Variants in COBLL1 observed in about 807,000 individuals in gnomAD.
COBLL1 encodes the protein cordon-bleu WH2 repeat protein like 1, also known as cordon-bleu protein-like 1.
COBLL1 carries 50 observed loss-of-function variants against 94.8 expected under a neutral mutation model. That is an observed-to-expected ratio of 0.53 (90% confidence interval 0.42 to 0.67). The LOEUF is 0.67. Among genes scored for constraint, COBLL1 ranks in the 30% least tolerant of loss-of-function variants. COBLL1 has a pLI of 0.00. For synonymous variants in COBLL1, 448 were observed against 473.8 expected (o/e 0.95, Z 0.71); for missense variants, 1,362 against 1,348.7 (o/e 1.01, Z -0.15).
intron 2 of COBLL1, among the ~76,000 whole-genome samples, chr2:164,833,371 T>A (rs1574672419): frequency 6.6e-6 from 1 of 151,672 alleles, no homozygotes; most frequent in East Asian, 1.9e-4. Context: ...AATAAATAAA[T>A]AGCTACAAGC....
chr2:164,688,793 C>G (rs1655388984), intron 13 of COBLL1, among the ~76,000 whole-genome samples: 2 of 152,090 alleles, frequency 1.3e-5, no homozygotes, highest in African/African-American at 4.8e-5. Flanking sequence ...TTTTTTCCTT[C>G]CCTCCACCTT....
chr2:164,762,478 G>C (rs1448044555), intron 2 of COBLL1, among the ~76,000 whole-genome samples: 1 of 152,170 alleles, frequency 6.6e-6, no homozygotes, highest in African/African-American at 2.4e-5. Context: ...TGGATTACAA[G>C]ACAGTATACT....
chr2:164,839,409 T>G (rs1298939385), intron 2 of COBLL1, among the ~76,000 whole-genome samples: 1 of 152,148 alleles, frequency 6.6e-6, no homozygotes. Context: ...CTAGGCAACA[T>G]AGCAAGACCT....
At chr2:164,793,142 C>T (rs901446367) in intron 2 of COBLL1, among the ~76,000 whole-genome samples, 27 of 152,112 alleles carry the variant, frequency 1.8e-4, no homozygotes, top group Non-Finnish European at 3.7e-4. Context: ...ATGGGCCAGA[C>T]CCCCCAGTAT....
chr2:164,739,783 C>A (rs192387751), intron 3 of COBLL1, among the ~76,000 whole-genome samples: 7 of 152,228 alleles, frequency 4.6e-5, no homozygotes, highest in African/African-American at 1.7e-4. Flanking sequence ...TTATTTTTGT[C>A]ATTATGAGTC....
At chr2:164,811,896 G>T (rs1261303304) in intron 2 of COBLL1, among the ~76,000 whole-genome samples, 2 of 151,886 alleles carry the variant, frequency 1.3e-5, no homozygotes, top group Non-Finnish European at 2.9e-5. Context: ...ATCCTCTGTG[G>T]TAGCATTTTT....
intron 2 of COBLL1, among the ~76,000 whole-genome samples, chr2:164,807,074 T>C (rs1442783754): frequency 6.6e-6 from 1 of 152,126 alleles, no homozygotes; most frequent in Non-Finnish European, 1.5e-5. Flanking sequence ...TATATCTAAC[T>C]CTGGAAAGCC....
chr2:164,760,324 G>A (rs147231981), intron 2 of COBLL1, among the ~76,000 whole-genome samples: 190 of 152,280 alleles, frequency 1.2e-3, no homozygotes, highest in Non-Finnish European at 2.3e-3. Flanking sequence ...TTCTGCTTAC[G>A]TAAGAGTCTC....
chr2:164,762,539 G>A (rs355836), intron 2 of COBLL1, among the ~76,000 whole-genome samples: 35,982 of 151,984 alleles, frequency 0.24, 5,040 homozygotes, highest in African/African-American at 0.39. Flanking sequence ...CAGCTGTCTC[G>A]TTTAATCAAT....
chr2:164,781,229 TA>T (rs1459626464), intron 2 of COBLL1, among the ~76,000 whole-genome samples: 1 of 152,236 alleles, frequency 6.6e-6, no homozygotes, highest in Non-Finnish European at 1.5e-5. Flanking sequence ...CTTTCTTTTT[TA>T]ACCCAAAACC....
chr2:164,695,470 T>C lies in COBLL1; in HGVS notation c.1922A>G (p.Gln641Arg). 4 of 1,613,850 alleles carry C rather than the reference T, an allele frequency of 2.5e-6. No homozygotes were observed. Among genetic ancestry groups the C allele is most frequent in the Non-Finnish European group, 3.4e-6 (4 of 1,179,832 alleles). Reference protein sequence around the residue: ...VQTSNNNISTQHSCLSSQDSV... With the variant: ...VQTSNNNISTRHSCLSSQDSV... ...ATCTTGTGAACTTAAGCATGAGTGT[T>C]GAGTTGATATGTTGTTATTTGAAGT... is the stretch of plus-strand genomic sequence containing the variant. The change falls in exon 12 of 14, where the codon CAA (glutamine) becomes CGA (arginine). Residue 641 changes from glutamine (Q) to arginine (R), a missense_variant. Physicochemically the swap from Gln to Arg is conservative, Grantham distance 43 (BLOSUM62 1). Coordinates refer to ENST00000652658, the MANE Select transcript of COBLL1 (RefSeq NM_001365672.2).
chr2:164,689,666 C>T (rs181803315), intron 13 of COBLL1, among the ~76,000 whole-genome samples: 117 of 152,230 alleles, frequency 7.7e-4, no homozygotes, highest in Non-Finnish European at 1.3e-3. Context: ...AATACCTCCA[C>T]GTTCCCTATT....
chr2:164,793,118 C>CG (rs1683273119), intron 2 of COBLL1, among the ~76,000 whole-genome samples: 5 of 152,158 alleles, frequency 3.3e-5, no homozygotes, highest in Admixed American at 3.3e-4. Flanking sequence ...AAGGCAGAAA[C>CG]TTAAATTCAT....
At chr2:164,699,765 A>T (rs761727640) in intron 10 of COBLL1, among the ~76,000 whole-genome samples, 1 of 152,094 alleles carries the variant, frequency 6.6e-6, no homozygotes, top group Non-Finnish European at 1.5e-5. Flanking sequence ...ACACTTTTCC[A>T]AAATAGTGGC....
intron 2 of COBLL1, among the ~76,000 whole-genome samples, chr2:164,770,168 A>G (rs1688137157): frequency 6.6e-6 from 1 of 152,106 alleles, no homozygotes. Context: ...TAGGTTTAAA[A>G]CCCAGAGAAG....
chr2:164,728,468 A>G (rs1340310056), intron 4 of COBLL1, among the ~76,000 whole-genome samples: 1 of 152,050 alleles, frequency 6.6e-6, no homozygotes, highest in Non-Finnish European at 1.5e-5. Context: ...CTAGCCTCAT[A>G]TCTAGTACTA....
intron 2 of COBLL1, among the ~76,000 whole-genome samples, chr2:164,780,174 A>C (rs913286124): frequency 1.3e-5 from 2 of 152,056 alleles, no homozygotes; most frequent in Non-Finnish European, 2.9e-5. Flanking sequence ...ACTTATCCTC[A>C]TTCTCCTAGA....
chr2:164,695,916 T>TATTTCAGGTTGGA, intron 11 of COBLL1, 80 bp from the exon 12 acceptor site: 1 of 1,113,658 alleles, frequency 9.0e-7, no homozygotes, highest in Non-Finnish European at 1.3e-6. Context: ...TTCTCCAACC[T>TATTTCAGGTTGGA]GAAATAGTTT....
intron 2 of COBLL1, among the ~76,000 whole-genome samples, chr2:164,815,525 C>G (rs1465355553): frequency 6.6e-6 from 1 of 152,092 alleles, no homozygotes; most frequent in East Asian, 1.9e-4. Context: ...GACTCCATCT[C>G]TTACTTAATC....
Sources: allele counts gnomAD v4.1 joint callset (sites outside exome capture counted in the v4.1 genomes callset), GRCh38; gene constraint gnomAD v4.1.1; transcripts MANE v1.5; gene names NCBI Gene and HGNC (gene_info 2026-07-23, HGNC 2026-07-21).